The following SEMA3E variants were observed in gnomAD, a reference collection of about 807,000 sequenced individuals.
SEMA3E encodes the protein semaphorin-3E.
In SEMA3E, 49 loss-of-function variants were observed where a neutral mutation model predicts 93.6. That is an observed-to-expected ratio of 0.52 (90% confidence interval 0.42 to 0.66). The LOEUF (loss-of-function observed/expected upper bound fraction) is 0.66. Ranked by LOEUF, SEMA3E falls within the 30% of genes least tolerant of loss-of-function variation. The pLI is 0.00. For missense variants in SEMA3E, 906 were observed against 964.8 expected, an observed-to-expected ratio of 0.94 and a Z score of 0.81; for synonymous variants, 363 against 330.7, an observed-to-expected ratio of 1.10 and a Z score of -1.06.
chr7:83,563,873 T>C (rs538890864), intron 1 of SEMA3E, among the ~76,000 whole-genome samples: 2 of 152,266 alleles, frequency 1.3e-5, no homozygotes, highest in East Asian at 1.9e-4. Context: ...ATTTAATACC[T>C]GTCTGAAATG....
At chr7:83,628,299 G>T (rs1267337503) in intron 1 of SEMA3E, among the ~76,000 whole-genome samples, 1 of 151,890 alleles carries the variant, frequency 6.6e-6, no homozygotes, top group Non-Finnish European at 1.5e-5. Flanking sequence ...TATCTTCATG[G>T]TGTTATCTGT....
At chr7:83,415,566 T>C (rs1788523768) in intron 5 of SEMA3E, among the ~76,000 whole-genome samples, 1 of 152,148 alleles carries the variant, frequency 6.6e-6, no homozygotes, top group Non-Finnish European at 1.5e-5. Flanking sequence ...AAAAATGTGC[T>C]TTATAACTTG....
intron 1 of SEMA3E, among the ~76,000 whole-genome samples, chr7:83,617,552 A>T (rs1793404033): frequency 6.8e-6 from 1 of 146,564 alleles, no homozygotes; most frequent in South Asian, 2.1e-4. Context: ...GTAATATATA[A>T]TTTTATATAA....
intron 16 of SEMA3E, among the ~76,000 whole-genome samples, chr7:83,379,430 G>C (rs1333783341): frequency 2.6e-5 from 4 of 151,808 alleles, no homozygotes; most frequent in Non-Finnish European, 5.9e-5. Context: ...AGTTTTGTTA[G>C]TTCTAAATAA....
chr7:83,551,991 C>T (rs117109602), intron 1 of SEMA3E, among the ~76,000 whole-genome samples: 10 of 152,274 alleles, frequency 6.6e-5, no homozygotes, highest in Non-Finnish European at 1.3e-4. Context: ...TTAATTGTCA[C>T]AATGTCTTTG....
intron 4 of SEMA3E, among the ~76,000 whole-genome samples, chr7:83,427,440 A>G (rs564168791): frequency 2.0e-5 from 3 of 152,284 alleles, no homozygotes; most frequent in African/African-American, 7.2e-5. Context: ...GTCTCAGTAC[A>G]ATATTTTTGC....
At chr7:83,573,283 TTTA>T (rs1792324802) in intron 1 of SEMA3E, among the ~76,000 whole-genome samples, 1 of 152,114 alleles carries the variant, frequency 6.6e-6, no homozygotes, top group Non-Finnish European at 1.5e-5. Context: ...ATTTTATTAT[TTTA>T]TTTATTATGA....
intron 1 of SEMA3E, among the ~76,000 whole-genome samples, chr7:83,560,674 A>G (rs775763860): frequency 3.9e-5 from 6 of 151,938 alleles, no homozygotes; most frequent in Non-Finnish European, 5.9e-5. Context: ...ATAAATTTTG[A>G]TAAATGTTTA....
intron 1 of SEMA3E, among the ~76,000 whole-genome samples, chr7:83,524,012 G>C (rs1791103511): frequency 6.6e-6 from 1 of 152,016 alleles, no homozygotes; most frequent in Non-Finnish European, 1.5e-5. Context: ...CATTATATTT[G>C]CTCAATCAAA....
At chr7:83,546,539 A>T (rs1203415476) in intron 1 of SEMA3E, among the ~76,000 whole-genome samples, 3 of 151,898 alleles carry the variant, frequency 2.0e-5, no homozygotes, top group Non-Finnish European at 4.4e-5. Flanking sequence ...TAACAATTTT[A>T]CTCAAGACAA....
At chr7:83,539,604 C>T (rs1382375358) in intron 1 of SEMA3E, among the ~76,000 whole-genome samples, 2 of 148,670 alleles carry the variant, frequency 1.3e-5, no homozygotes, top group Non-Finnish European at 3.0e-5. Context: ...TTACCAGTTT[C>T]TTTCAGCTTT....
intron 4 of SEMA3E, among the ~76,000 whole-genome samples, chr7:83,425,267 A>G (rs985680284): frequency 6.6e-6 from 1 of 152,172 alleles, no homozygotes; most frequent in East Asian, 1.9e-4. Context: ...GCCTGGAACT[A>G]GAAACACAGC....
At chr7:83,457,502 CCCTTT>C (rs1789510653) in intron 4 of SEMA3E, among the ~76,000 whole-genome samples, 1 of 152,160 alleles carries the variant, frequency 6.6e-6, no homozygotes. Flanking sequence ...CTTTTTAATT[CCCTTT>C]CATGTTTGAC....
At chr7:83,527,881 T>A (rs1791194048) in intron 1 of SEMA3E, among the ~76,000 whole-genome samples, 1 of 152,120 alleles carries the variant, frequency 6.6e-6, no homozygotes, top group South Asian at 2.1e-4. Context: ...ATTTAAAACC[T>A]GTTTTCTGCC....
chr7:83,515,634 TC>T (rs1443925696), intron 1 of SEMA3E, among the ~76,000 whole-genome samples: 1 of 152,174 alleles, frequency 6.6e-6, no homozygotes, highest in Non-Finnish European at 1.5e-5. Flanking sequence ...TCCGGAATCT[TC>T]CAGATAGACT....
At chr7:83,576,882 A>G (rs1357143473) in intron 1 of SEMA3E, among the ~76,000 whole-genome samples, 1 of 152,166 alleles carries the variant, frequency 6.6e-6, no homozygotes, top group Non-Finnish European at 1.5e-5. Flanking sequence ...TTGGCCTCCC[A>G]AAGTGCTGAG....
chr7:83,593,282 CTCTGTGTGTGTGTGTGTGTGTGTGTGTG>C lies in SEMA3E; in HGVS notation c.115+55118_115+55145del, dbSNP rs1463064917. Among the ~76,000 whole-genome samples, 510 of 107,438 alleles carry C rather than the reference CTCTGTGTGTGTGTGTGTGTGTGTGTGTG, an allele frequency of 4.7e-3. 12 individuals carry two copies. Among genetic ancestry groups the C allele is most frequent in the African/African-American group, 0.022 (475 of 21,950 alleles). 70.5% of individuals were successfully genotyped at this position (107,438 alleles called of 152,430 possible). On this transcript the variant is annotated intron_variant, in intron 1 of 16. Coordinates refer to ENST00000643230, the MANE Select transcript of SEMA3E (RefSeq NM_012431.3). Reference sequence around the variant, plus strand: ...TCTGTCTCTCTCTCTCTCTCTCTCTCTCTGTGTGTGTGTGTGTGTGTGTGTGTGTGTGTGTGTGTGTGTGTGTGTGTGT... The same window carrying C: ...TCTGTCTCTCTCTCTCTCTCTCTCTCTGTGTGTGTGTGTGTGTGTGTGTGT...
chr7:83,423,207 T>A (rs1443372262), intron 4 of SEMA3E, among the ~76,000 whole-genome samples: 3 of 152,182 alleles, frequency 2.0e-5, no homozygotes, highest in Non-Finnish European at 4.4e-5. Context: ...TACGTAAATC[T>A]ACCTTAGTCT....
intron 1 of SEMA3E, among the ~76,000 whole-genome samples, chr7:83,587,561 A>T (rs542413886): frequency 9.9e-5 from 15 of 152,144 alleles, no homozygotes; most frequent in Non-Finnish European, 1.6e-4. Flanking sequence ...AATAACTTGC[A>T]TTAGACAAGG....
Sources: gnomAD v4.1 joint callset for allele counts (sites outside exome capture counted in the v4.1 genomes callset) on GRCh38, gnomAD v4.1.1 for gene constraint, MANE v1.5 for transcripts, NCBI Gene and HGNC (gene_info 2026-07-23, HGNC 2026-07-21) for gene names.